ADAMTSL1: variants seen among roughly 807,000 people sequenced by gnomAD.
ADAMTSL1 encodes ADAMTS like 1.
A neutral mutation model predicts 201.8 loss-of-function variants in ADAMTSL1; 126 were observed. The ratio of observed to expected loss-of-function variants is 0.62; its 90% CI spans 0.54 to 0.72. The LOEUF (loss-of-function observed/expected upper bound fraction) is 0.72, where lower values mean the gene tolerates loss of function less well. Among genes scored for constraint, ADAMTSL1 ranks in the 30% least tolerant of loss-of-function variants. The pLI, the probability that ADAMTSL1 is intolerant of heterozygous loss-of-function variation, is 0.00. For synonymous variants in ADAMTSL1, 1,121 were observed against 903.4 expected, an observed-to-expected ratio of 1.24 and a Z score of -4.32; for missense variants, 2,679 against 2,277.8, an observed-to-expected ratio of 1.18 and a Z score of -3.59.
At chr9:18,832,942 T>A (rs1385223094) in intron 23 of ADAMTSL1, among the ~76,000 whole-genome samples, 1 of 151,870 alleles carries the variant, frequency 6.6e-6, no homozygotes, top group Non-Finnish European at 1.5e-5. Flanking sequence ...AGAGTTGGAG[T>A]TTTTTAAGCC....
chr9:18,325,897 C>T (rs987003466), intron 2 of ADAMTSL1, among the ~76,000 whole-genome samples: 6 of 152,130 alleles, frequency 3.9e-5, no homozygotes, highest in Non-Finnish European at 7.4e-5. Context: ...TGCACCACTA[C>T]GCCTGGCTAA....
intron 1 of ADAMTSL1, among the ~76,000 whole-genome samples, chr9:17,955,980 A>C (rs1260052064): frequency 6.6e-6 from 1 of 152,164 alleles, no homozygotes; most frequent in East Asian, 1.9e-4. Flanking sequence ...TTTTAAAACA[A>C]ATCTGAAAGC....
chr9:18,806,972 CCT>C (rs1490763899), intron 20 of ADAMTSL1, among the ~76,000 whole-genome samples: 1 of 152,126 alleles, frequency 6.6e-6, no homozygotes, highest in Non-Finnish European at 1.5e-5. Flanking sequence ...CTCTATTTCC[CCT>C]GTTACATTAC....
intron 26 of ADAMTSL1, among the ~76,000 whole-genome samples, chr9:18,899,285 A>C (rs1480615660): frequency 1.3e-5 from 2 of 152,240 alleles, no homozygotes; most frequent in Non-Finnish European, 2.9e-5. Flanking sequence ...CCACTGCTCG[A>C]GGAAATCAGA....
intron 20 of ADAMTSL1, among the ~76,000 whole-genome samples, chr9:18,814,425 A>G (rs1208291904): frequency 6.6e-6 from 1 of 152,246 alleles, no homozygotes; most frequent in Admixed American, 6.5e-5. Context: ...CAGAATAAAA[A>G]GACAATCTAC....
At chr9:18,585,648 CA>C (rs1448354426) in intron 4 of ADAMTSL1, among the ~76,000 whole-genome samples, 1 of 151,756 alleles carries the variant, frequency 6.6e-6, no homozygotes, top group Non-Finnish European at 1.5e-5. Flanking sequence ...AGAGACACAA[CA>C]AAAAAAGAAA....
chr9:17,939,426 TATTC>T (rs762676844), intron 1 of ADAMTSL1, among the ~76,000 whole-genome samples: 6 of 152,110 alleles, frequency 3.9e-5, no homozygotes, highest in Admixed American at 6.6e-5. Context: ...TTTTATGCTG[TATTC>T]AATGTCTAAA....
chr9:18,557,773 A>G (rs2132259602), intron 3 of ADAMTSL1, among the ~76,000 whole-genome samples: 1 of 152,178 alleles, frequency 6.6e-6, no homozygotes, highest in African/African-American at 2.4e-5. Flanking sequence ...CTGGCATAAG[A>G]ACCACATGTT....
In ADAMTSL1 at chr9:18,221,907, A is replaced by C. The variant is rs774523851; in HGVS notation, c.207+57926A>C. ...AGGCATGTTAGAATTTCCCACCATT[A>C]TGACAAATTTATAATGATTTTCTTC... is the stretch of plus-strand genomic sequence containing the variant. On this transcript the variant is annotated intron_variant, in intron 2 of 29. Transcript: ENST00000680146. Among the ~76,000 whole-genome samples, 3 of 152,076 alleles carry C rather than the reference A, an allele frequency of 2.0e-5. No homozygotes were observed. In the East Asian group the frequency reaches 5.8e-4, roughly 29 times the overall value.
chr9:18,398,669 T>C (rs961912022), intron 2 of ADAMTSL1, among the ~76,000 whole-genome samples: 3 of 152,176 alleles, frequency 2.0e-5, no homozygotes, highest in African/African-American at 7.2e-5. Flanking sequence ...AGATCCCATT[T>C]ATTCATTTTC....
At chr9:18,473,706 T>C (rs1194616519), upstream of ADAMTSL1, among the ~76,000 whole-genome samples, 1 of 152,188 alleles carries the variant, frequency 6.6e-6, no homozygotes, top group African/African-American at 2.4e-5. Flanking sequence ...ATATGTTATA[T>C]ATTGACAGGG....
intron 23 of ADAMTSL1, among the ~76,000 whole-genome samples, chr9:18,872,417 G>A (rs1398037510): frequency 6.6e-6 from 1 of 152,112 alleles, no homozygotes; most frequent in African/African-American, 2.4e-5. Flanking sequence ...TGATTTCTGA[G>A]ATTTTGGTGC....
chr9:18,475,169 A>G (rs1048147418), intron 1 of ADAMTSL1, among the ~76,000 whole-genome samples: 1 of 152,234 alleles, frequency 6.6e-6, no homozygotes, highest in Admixed American at 6.5e-5. Flanking sequence ...CAAAATTTGC[A>G]CACACTGATC....
At position 18,906,171 on chromosome 9, in the gene ADAMTSL1, C is replaced by A. The variant is rs1830300125; in HGVS notation, c.4961+280C>A. On this transcript the variant is annotated intron_variant, in intron 27 of 28. Transcript: ENST00000380548. ...GAGGCCTCATACCTCGAGAGACCTG[C>A]ACTAGCCCCAGGGTGGTCAGGAGGT... is the stretch of plus-strand genomic sequence containing the variant. Among the ~76,000 whole-genome samples the A allele has an allele frequency of 2.0e-5, 3 of 152,194 alleles. 1 individual carries two copies. Among genetic ancestry groups the A allele is most frequent in the Admixed American group, 6.5e-5 (1 of 15,284 alleles).
intron 1 of ADAMTSL1, among the ~76,000 whole-genome samples, chr9:17,970,190 C>T (rs1165923126): frequency 2.0e-5 from 3 of 151,966 alleles, no homozygotes; most frequent in African/African-American, 7.2e-5. Flanking sequence ...TAATGTTCTA[C>T]CATCTATCCA....
At chr9:18,240,566 A>AGACT (rs1831023291) in intron 2 of ADAMTSL1, among the ~76,000 whole-genome samples, 2 of 152,178 alleles carry the variant, frequency 1.3e-5, no homozygotes, top group Admixed American at 1.3e-4. Context: ...CAAGAGAGTT[A>AGACT]GACTGTCCTT....
At chr9:18,656,329 A>G (rs574649635) in intron 7 of ADAMTSL1, among the ~76,000 whole-genome samples, 1 of 152,122 alleles carries the variant, frequency 6.6e-6, no homozygotes, top group Admixed American at 6.6e-5. Context: ...ATTATGGGCA[A>G]TTAAGAAAAT....
intron 2 of ADAMTSL1, among the ~76,000 whole-genome samples, chr9:18,438,560 G>T (rs1019263371): frequency 1.3e-5 from 2 of 152,104 alleles, no homozygotes; most frequent in Non-Finnish European, 2.9e-5. Context: ...CCCCTTGCTC[G>T]GGTTTCAAGC....
rs556668148 is a variant in ADAMTSL1 at position 18,549,443 on chromosome 9, C to T, written c.237+16151C>T. On this transcript the variant is annotated intron_variant, in intron 3 of 28. Transcript: ENST00000380548. ...AAGATGAGCATTAACTACCCATGGA[C>T]TTTCACTAACATAACTACTACAGGC... Among the ~76,000 whole-genome samples the T allele has an allele frequency of 2.4e-4, 36 of 152,062 alleles. No individual in the cohort carries two copies. In the Middle Eastern group the frequency reaches 0.01, roughly 43 times the overall value.
Sources: allele counts gnomAD v4.1 joint callset (sites outside exome capture counted in the v4.1 genomes callset), GRCh38; gene constraint gnomAD v4.1.1; transcripts MANE v1.5; gene names NCBI Gene and HGNC (gene_info 2026-07-23, HGNC 2026-07-21).